The following EFCAB6 variants were observed in gnomAD, a reference collection of about 807,000 sequenced individuals.
The protein encoded by EFCAB6 is EF-hand calcium binding domain 6, also known as EF-hand calcium-binding domain-containing protein 6.
In EFCAB6, 156 loss-of-function variants were observed where a neutral mutation model predicts 169.8. The ratio of observed to expected loss-of-function variants is 0.92; its 90% CI spans 0.81 to 1.05. The LOEUF is 1.05. EFCAB6 is among the 50% of genes least tolerant of loss of function. The pLI is 0.00. For synonymous variants in EFCAB6, 698 were observed against 676.4 expected, an observed-to-expected ratio of 1.03 and a Z score of -0.50; for missense variants, 1,800 against 1,829.1, an observed-to-expected ratio of 0.98 and a Z score of 0.29.
At chr22:43,609,820 G>T (rs903485991) in intron 21 of EFCAB6, among the ~76,000 whole-genome samples, 1 of 152,180 alleles carries the variant, frequency 6.6e-6, no homozygotes, top group Admixed American at 6.5e-5. Context: ...AAGTTATCAC[G>T]ACAACAAAGA....
At chr22:43,742,212 A>G (rs1003406374) in intron 6 of EFCAB6, among the ~76,000 whole-genome samples, 1 of 152,200 alleles carries the variant, frequency 6.6e-6, no homozygotes, top group Non-Finnish European at 1.5e-5. Flanking sequence ...AATGGTTGAA[A>G]AAGAAATCAA....
At chr22:43,701,582 A>G (rs1414070092) in intron 10 of EFCAB6, among the ~76,000 whole-genome samples, 3 of 151,710 alleles carry the variant, frequency 2.0e-5, no homozygotes, top group African/African-American at 7.2e-5. Context: ...AATTTAATAT[A>G]TGGCAAAACA....
intron 2 of EFCAB6, among the ~76,000 whole-genome samples, chr22:43,804,508 C>T (rs1478148982): frequency 1.3e-5 from 2 of 152,132 alleles, no homozygotes; most frequent in Middle Eastern, 3.4e-3. Flanking sequence ...ACCTGTAATC[C>T]CAGCACTTTG....
chr22:43,772,165 C>T (rs983862780), intron 4 of EFCAB6, among the ~76,000 whole-genome samples: 1 of 152,202 alleles, frequency 6.6e-6, no homozygotes, highest in African/African-American at 2.4e-5. Context: ...GTAAGTGTCT[C>T]ACTGGGCTGG....
chr22:43,767,640 C>A (rs1569479259), intron 4 of EFCAB6, among the ~76,000 whole-genome samples: 3 of 152,316 alleles, frequency 2.0e-5, no homozygotes, highest in Admixed American at 6.5e-5. Context: ...GGCCTCCCTG[C>A]CCGGCACCGC....
intron 22 of EFCAB6, among the ~76,000 whole-genome samples, chr22:43,604,483 C>T (rs1310577548): frequency 2.0e-5 from 3 of 152,190 alleles, no homozygotes; most frequent in Admixed American, 6.5e-5. Context: ...TCTTTGTATT[C>T]AGTGCTTCTA....
At chr22:43,582,333 TATACAC>T (rs1301706239) in intron 24 of EFCAB6, among the ~76,000 whole-genome samples, 6 of 133,120 alleles carry the variant, frequency 4.5e-5, no homozygotes, top group Non-Finnish European at 9.6e-5. Context: ...CCTTCCTTTC[TATACAC>T]ATACACACAC....
intron 8 of EFCAB6, among the ~76,000 whole-genome samples, chr22:43,718,947 T>C (rs1338045734): frequency 6.6e-6 from 1 of 152,146 alleles, no homozygotes; most frequent in Non-Finnish European, 1.5e-5. Flanking sequence ...CCTGAAGTGG[T>C]CTAGCACACA....
chr22:43,635,186 C>T lies in EFCAB6; in HGVS notation c.2014G>A (p.Asp672Asn), dbSNP rs556486294. 8.7e-6 allele frequency: 14 copies of T among 1,614,162 alleles called. No individual in the cohort carries two copies. Among genetic ancestry groups the T allele is most frequent in the African/African-American group, 8.0e-5 (6 of 75,046 alleles). The change falls in exon 18 of 32, where the codon GAT becomes AAT. Residue 672 changes from aspartate (D) to asparagine (N), a missense_variant. Asp to Asn is a conservative substitution (Grantham distance 23, BLOSUM62 1). Transcript: ENST00000262726. ...VLEDTGMPMD[D>N]DQYALLTTKI... ...GTGGTCAGCAGGGCATACTGATCAT[C>T]GTCCATGGGCATCCCAGTGTCTTCC...
intron 26 of EFCAB6, among the ~76,000 whole-genome samples, chr22:43,563,181 G>T (rs1602281777): frequency 6.6e-6 from 1 of 152,104 alleles, no homozygotes; most frequent in Non-Finnish European, 1.5e-5. Context: ...GAAGAGGCGG[G>T]CTTGGGCCTG....
At position 43,687,463 on chromosome 22, in the gene EFCAB6, T is replaced by A. The variant is rs1569389236; in HGVS notation, c.1142+8A>T. 9 of 1,443,370 alleles carry A rather than the reference T, an allele frequency of 6.2e-6. No homozygotes were observed. The South Asian group carries it at 1.2e-4, about 19-fold the overall frequency. 89.4% of individuals were successfully genotyped at this position (1,443,370 alleles called of 1,614,324 possible). ...CTAAAATTTGTTTTTTTTTTTTTTTTTACATACCTATTTCTTTTTGTCAGG... is the reference window on the plus strand; with the variant it reads ...CTAAAATTTGTTTTTTTTTTTTTTTATACATACCTATTTCTTTTTGTCAGG... On this transcript the variant is annotated splice_region_variant and intron_variant, in intron 11 of 31. Transcript: ENST00000262726.
At chr22:43,734,339 G>A (rs941735680) in intron 7 of EFCAB6, among the ~76,000 whole-genome samples, 17 of 152,122 alleles carry the variant, frequency 1.1e-4, no homozygotes, top group African/African-American at 4.1e-4. Flanking sequence ...GATCTTCTGT[G>A]TTTCTGAGTC....
At chr22:43,699,966 G>A (rs183241474) in intron 10 of EFCAB6, among the ~76,000 whole-genome samples, 25 of 152,336 alleles carry the variant, frequency 1.6e-4, no homozygotes, top group Admixed American at 1.1e-3. Flanking sequence ...GAATACGCAA[G>A]TTACAAGTTA....
In EFCAB6 at chr22:43,672,045, C is replaced by T. The variant is rs769219254; in HGVS notation, c.1568G>A (p.Arg523His). The T allele has an allele frequency of 3.9e-5, 63 of 1,614,020 alleles. No homozygotes were observed. Among genetic ancestry groups the T allele is most frequent in the African/African-American group, 6.7e-5 (5 of 74,920 alleles). Reference sequence around the variant, plus strand: ...TTTCTTGAAATTATTTCGGCCAATGCGCCCTGTGTCTCCAAGGTCATATGA... The same window carrying T: ...TTTCTTGAAATTATTTCGGCCAATGTGCCCTGTGTCTCCAAGGTCATATGA... ...LRSYDLGDTGRIGRNNFKKIM... is the reference protein window; with the variant it reads ...LRSYDLGDTGHIGRNNFKKIM... Residue 523 changes from arginine (R) to histidine (H), a missense_variant, in exon 15 of 32, where the codon CGC (arginine) becomes CAC (histidine). Physicochemically the swap from Arg to His is conservative, Grantham distance 29. Transcript: ENST00000262726.
chr22:43,731,720 T>G lies in EFCAB6; in HGVS notation c.736A>C (p.Arg246=). The G allele has an allele frequency of 6.3e-7, 1 of 1,593,046 alleles. No homozygotes were observed. Among genetic ancestry groups the G allele is most frequent in the African/African-American group, 1.3e-5 (1 of 74,094 alleles). ...TTACCTTGATTTCCCATACAATATC[T>G]AAGGTTCAAGTCGTTATTTATGCTG... is the stretch of plus-strand genomic sequence containing the variant. ...NLSINNDLNL[R]YCMGNQEVSL... The change falls in exon 8 of 32, where the codon AGA becomes CGA. Residue 246 remains arginine, a synonymous_variant. Coordinates refer to ENST00000262726, the MANE Select transcript of EFCAB6 (RefSeq NM_022785.4).
intron 6 of EFCAB6, among the ~76,000 whole-genome samples, chr22:43,737,480 A>T (rs2060187220): frequency 6.9e-6 from 1 of 145,520 alleles, no homozygotes; most frequent in Non-Finnish European, 1.5e-5. Flanking sequence ...GCATATATTC[A>T]CACACACACC....
chr22:43,564,943 C>T (rs890397313), intron 26 of EFCAB6, among the ~76,000 whole-genome samples: 9 of 152,218 alleles, frequency 5.9e-5, no homozygotes. Flanking sequence ...CGTGCGTTTG[C>T]TTTCTTGGGG....
At chr22:43,634,480 C>T (rs1279563989) in intron 18 of EFCAB6, among the ~76,000 whole-genome samples, 1 of 152,126 alleles carries the variant, frequency 6.6e-6, no homozygotes, top group Non-Finnish European at 1.5e-5. Context: ...TGCATTCCAC[C>T]CTGCCAGCCT....
Position 43,632,112 on chromosome 22 carries a change from GAC to G in EFCAB6, c.2223_2224del (p.Glu741AspfsTer11). 1 of 1,613,924 alleles carries G rather than the reference GAC, an allele frequency of 6.2e-7. No homozygotes were observed. Among genetic ancestry groups the G allele is most frequent in the Non-Finnish European group, 8.5e-7 (1 of 1,179,894 alleles). Reference sequence around the variant, plus strand: ...CAGACAGTCACGGTTTACCCGGAATGACTCCTTCAGCCTCCTAGGGAAAAGCT... The same window carrying G: ...CAGACAGTCACGGTTTACCCGGAATGTCCTTCAGCCTCCTAGGGAAAAGCT... On this transcript the variant is annotated frameshift_variant, in exon 19 of 32. Transcript: ENST00000262726. LOFTEE classifies it high-confidence loss of function.
Sources: gnomAD v4.1 joint callset for allele counts (sites outside exome capture counted in the v4.1 genomes callset) on GRCh38, gnomAD v4.1.1 for gene constraint, MANE v1.5 for transcripts, NCBI Gene and HGNC (gene_info 2026-07-23, HGNC 2026-07-21) for gene names.